RDX: variants seen among roughly 807,000 people sequenced by gnomAD.
RDX encodes radixin.
A neutral mutation model predicts 83.7 loss-of-function variants in RDX; 32 were observed. The observed-to-expected ratio is 0.38, with a 90% confidence interval of 0.29 to 0.51. RDX has a LOEUF of 0.51. RDX is among the 20% of genes least tolerant of loss of function. RDX has a pLI of 0.87. For synonymous variants in RDX, 229 were observed against 222.7 expected (o/e 1.03, Z -0.25); for missense variants, 600 against 689.9 (o/e 0.87, Z 1.46).
intron 14 of RDX, among the ~76,000 whole-genome samples, chr11:110,201,417 A>G (rs551291095): frequency 6.5e-4 from 99 of 152,286 alleles, no homozygotes; most frequent in African/African-American, 2.3e-3. Context: ...GAAAGGCACA[A>G]GAGAGGGAAT....
At chr11:110,220,652 C>A (rs1864211361) in intron 14 of RDX, among the ~76,000 whole-genome samples, 1 of 152,110 alleles carries the variant, frequency 6.6e-6, no homozygotes, top group Non-Finnish European at 1.5e-5. Context: ...GCAGCTGCCA[C>A]CACATTTGGC....
At chr11:110,178,086 GC>G (rs999158670) in intron 15 of RDX, among the ~76,000 whole-genome samples, 2 of 152,112 alleles carry the variant, frequency 1.3e-5, no homozygotes, top group African/African-American at 4.8e-5. Context: ...CTCACAGTAT[GC>G]CTGGCAAGCA....
At chr11:110,286,300 G>A (rs894005023) in intron 1 of RDX, among the ~76,000 whole-genome samples, 10 of 152,296 alleles carry the variant, frequency 6.6e-5, no homozygotes, top group South Asian at 2.1e-4. Context: ...GCCAGCAAAC[G>A]TCTCCCATCT....
At chr11:110,211,146 T>G (rs1863820617) in intron 14 of RDX, among the ~76,000 whole-genome samples, 1 of 152,060 alleles carries the variant, frequency 6.6e-6, no homozygotes, top group South Asian at 2.1e-4. Context: ...GATGAAGATC[T>G]ACCAAGCCAA....
downstream of RDX, among the ~76,000 whole-genome samples, chr11:110,228,572 AC>A (rs1048039315): frequency 5.5e-4 from 84 of 152,162 alleles, no homozygotes; most frequent in African/African-American, 2.0e-3. Flanking sequence ...TCCAGCTTTA[AC>A]TTTTAAGACT....
intron 10 of RDX, among the ~76,000 whole-genome samples, chr11:110,244,875 G>T (rs1251408679): frequency 6.6e-6 from 1 of 151,822 alleles, no homozygotes; most frequent in African/African-American, 2.4e-5. Context: ...TGTCTATCAT[G>T]TTCAGGGCAC....
downstream of RDX, among the ~76,000 whole-genome samples, chr11:110,226,651 TAAAA>T (rs958546923): frequency 1.3e-5 from 2 of 152,138 alleles, no homozygotes; most frequent in African/African-American, 4.8e-5. Flanking sequence ...TTTACCATGA[TAAAA>T]AAAGATTCAA....
chr11:110,201,102 G>A (rs1209054998), intron 14 of RDX, among the ~76,000 whole-genome samples: 1 of 151,466 alleles, frequency 6.6e-6, no homozygotes, highest in Admixed American at 6.6e-5. Context: ...CTTGAACCTG[G>A]GAGTTGGAGG....
At chr11:110,225,706 T>C (rs1013784632), downstream of RDX, among the ~76,000 whole-genome samples, 1 of 152,072 alleles carries the variant, frequency 6.6e-6, no homozygotes, top group Non-Finnish European at 1.5e-5. Flanking sequence ...TATGTGAATA[T>C]AAAATGGTGC....
At chr11:110,246,896 T>G (rs183253384) in intron 10 of RDX, among the ~76,000 whole-genome samples, 385 of 152,342 alleles carry the variant, frequency 2.5e-3, no homozygotes, top group Non-Finnish European at 4.4e-3. Context: ...CCAACAGAAC[T>G]GAATAGCTTG....
intron 3 of RDX, among the ~76,000 whole-genome samples, chr11:110,270,709 C>T (rs999195136): frequency 3.9e-5 from 6 of 152,318 alleles, no homozygotes; most frequent in Middle Eastern, 6.8e-3. Flanking sequence ...AGTGCCCACA[C>T]TTCTAAACCA....
chr11:110,264,529 T>C (rs1054796890), intron 4 of RDX, among the ~76,000 whole-genome samples: 41 of 152,168 alleles, frequency 2.7e-4, no homozygotes, highest in Non-Finnish European at 4.4e-5. Context: ...AGTATGCCAT[T>C]TGTAATATCT....
chr11:110,233,755 C>G (rs1864733993), intron 12 of RDX, among the ~76,000 whole-genome samples: 1 of 152,166 alleles, frequency 6.6e-6, no homozygotes, highest in African/African-American at 2.4e-5. Flanking sequence ...TTAATTCTGG[C>G]AAGGATTATC....
intron 12 of RDX, among the ~76,000 whole-genome samples, chr11:110,234,040 A>AAAAGTCC (rs1864744097): frequency 6.6e-6 from 1 of 152,218 alleles, no homozygotes; most frequent in Non-Finnish European, 1.5e-5. Context: ...GTTTACCTGG[A>AAAAGTCC]AAAGTCCTGT....
At chr11:110,249,170 GAATC>G (rs1452086235) in intron 9 of RDX, among the ~76,000 whole-genome samples, 3 of 152,216 alleles carry the variant, frequency 2.0e-5, no homozygotes, top group Non-Finnish European at 4.4e-5. Context: ...TACTTAAGTT[GAATC>G]AATATTCAAA....
chr11:110,264,322 A>T, intron 4 of RDX, 88 bp from the exon 5 acceptor site: 1 of 867,864 alleles, frequency 1.2e-6, no homozygotes, highest in Non-Finnish European at 1.8e-6. Context: ...TTGGAAGAAA[A>T]TGAAGTGAAA....
intron 1 of RDX, among the ~76,000 whole-genome samples, chr11:110,293,020 TACAC>T (rs1861306898): frequency 1.3e-5 from 2 of 152,328 alleles, no homozygotes; most frequent in South Asian, 2.1e-4. Context: ...AATTTGCACA[TACAC>T]ACACTTGAGA....
intron 1 of RDX, among the ~76,000 whole-genome samples, chr11:110,296,028 C>A (rs531044572): frequency 1.3e-5 from 2 of 152,368 alleles, no homozygotes; most frequent in Non-Finnish European, 2.9e-5. Flanking sequence ...ATTCTACCTA[C>A]GCTGAATATC....
intron 10 of RDX, among the ~76,000 whole-genome samples, chr11:110,246,440 A>C (rs1859108611): frequency 6.6e-6 from 1 of 152,192 alleles, no homozygotes; most frequent in Non-Finnish European, 1.5e-5. Flanking sequence ...CTGAAATGCT[A>C]CAAAATCCAA....
Sources: gnomAD v4.1 joint callset for allele counts (sites outside exome capture counted in the v4.1 genomes callset) on GRCh38, gnomAD v4.1.1 for gene constraint, MANE v1.5 for transcripts, NCBI Gene and HGNC (gene_info 2026-07-23, HGNC 2026-07-21) for gene names.